The following FAN1 variants were observed in gnomAD, a reference collection of about 807,000 sequenced individuals.
FAN1 encodes the protein FANCD2 and FANCI associated nuclease 1.
In FAN1, 91 loss-of-function variants were observed where a neutral mutation model predicts 104.9. The ratio of observed to expected loss-of-function variants is 0.87; its 90% confidence interval spans 0.73 to 1.03. The LOEUF (loss-of-function observed/expected upper bound fraction) is 1.03, where lower values mean the gene tolerates loss of function less well. FAN1 is among the 50% of genes least tolerant of loss of function. The probability of loss-of-function intolerance (pLI) is 0.00; values close to 1 mark genes in which losing one functional copy is unlikely to be tolerated. For missense variants in FAN1, 1,263 were observed against 1,239.9 expected, an observed-to-expected ratio of 1.02 and a Z score of -0.28; for synonymous variants, 478 against 457.6, an observed-to-expected ratio of 1.04 and a Z score of -0.57.
intron 7 of FAN1, 116 bp downstream of exon 7, chr15:30,920,769 T>C: frequency 6.5e-6 from 4 of 611,612 alleles, no homozygotes; most frequent in Non-Finnish European, 8.5e-6. Flanking sequence ...CACAGTAATA[T>C]AATGGAGGCA....
intron 14 of FAN1, chr15:30,941,020 CAG>C: frequency 1.7e-6 from 2 of 1,165,796 alleles, no homozygotes; most frequent in Non-Finnish European, 1.1e-6. Context: ...TTAGAGACGA[CAG>C]AAAGTAACCA....
rs375339800 is a variant in FAN1 at position 30,941,617 on chromosome 15, C to T, written c.*55C>T. The T allele has an allele frequency of 1.4e-5, 22 of 1,602,502 alleles. No homozygotes were observed. Among genetic ancestry groups the T allele is most frequent in the African/African-American group, 6.7e-5 (5 of 74,710 alleles). On this transcript the variant is annotated 3_prime_UTR_variant, in exon 15 of 15. Transcript: ENST00000362065. ...AGGAGGAGAGAAACTCCGGTGTCCC[C>T]GAGGTGTCGGTGTGGTGAGGGCCGC...
intron 14 of FAN1, chr15:30,939,036 T>G: frequency 1.0e-6 from 1 of 985,444 alleles, no homozygotes. Context: ...TCATCCCACT[T>G]GAACTCAAGT....
intron 12 of FAN1, among the ~76,000 whole-genome samples, chr15:30,929,655 AAT>A (rs1165427652): frequency 1.6e-5 from 1 of 62,564 alleles, no homozygotes; most frequent in Admixed American, 1.9e-4. Context: ...TATATAATAT[AAT>A]ATATGAAATA....
At chr15:30,934,629 C>G (rs1277876771) in intron 13 of FAN1, among the ~76,000 whole-genome samples, 1 of 152,180 alleles carries the variant, frequency 6.6e-6, no homozygotes, top group Admixed American at 6.5e-5. Context: ...AGTTCACCTG[C>G]CGTGGTCTCT....
chr15:30,939,381 G>T, intron 14 of FAN1: 4 of 985,466 alleles, frequency 4.1e-6, no homozygotes, highest in Non-Finnish European at 4.8e-6. Context: ...GCCCTGTGCA[G>T]CCACACCACT....
chr15:30,929,722 AT>A (rs2062592812), intron 12 of FAN1, among the ~76,000 whole-genome samples: 1 of 44,810 alleles, frequency 2.2e-5, no homozygotes, highest in African/African-American at 9.4e-5. Flanking sequence ...TATAATATAT[AT>A]AAAATATATA....
rs2062740689 is a variant in FAN1, at chr15:30,932,562, A to G, written c.2916+1891A>G. ...GCCTGGAGATTTTGGGGGGAGGAAA[A>G]TTTAAAGCTATAAATTAAATTTATT... On this transcript the variant is annotated intron_variant, in intron 13 of 14. Coordinates refer to ENST00000362065, the MANE Select transcript of FAN1 (RefSeq NM_014967.5). Among the ~76,000 whole-genome samples, 3 of 152,100 alleles carry G rather than the reference A, an allele frequency of 2.0e-5. No homozygotes were observed. In the South Asian group the frequency reaches 6.2e-4, roughly 31 times the overall value.
intron 2 of FAN1, chr15:30,906,653 TAA>T (rs2061986251): frequency 1.0e-5 from 4 of 382,294 alleles, no homozygotes; most frequent in Non-Finnish European, 2.1e-5. Context: ...CCTCAGTAGA[TAA>T]AAAAGAGAAA....
Position 30,934,171 on chromosome 15 carries a change from C to T in FAN1, c.2917-2948C>T, listed in dbSNP as rs140792189. Among the ~76,000 whole-genome samples, 705 of 152,164 alleles carry T rather than the reference C, an allele frequency of 4.6e-3. 6 individuals carry two copies. Among genetic ancestry groups the T allele is most frequent in the African/African-American group, 0.016 (676 of 41,502 alleles). ...CTACCCTTTTATCATTATGCAGTGA[C>T]CCCCCCTTTACACCTGGTAATCTTT... On this transcript the variant is annotated intron_variant, in intron 13 of 14. Transcript: ENST00000362065.
At position 30,928,539 on chromosome 15, in the gene FAN1, T is replaced by TGTGTGTGTGTGA; in HGVS notation, c.2489-13_2489-12insTGTGTGTGTGAG. 1.2e-6 allele frequency: 2 copies of TGTGTGTGTGTGA among 1,611,326 alleles called. No individual in the cohort carries two copies. The highest frequency in any genetic ancestry group is 1.7e-6 in the Non-Finnish European group (2 of 1,178,148). The stretch of plus-strand genomic sequence containing the variant: ...GTGTGTGTGTGTGTGTGTGTGTGTG[T>TGTGTGTGTGTGA]GACCTTGTCTTAGGGATTCATGGCG... On this transcript the variant is annotated splice_polypyrimidine_tract_variant and intron_variant, in intron 10 of 14. Coordinates refer to ENST00000362065, the MANE Select transcript of FAN1 (RefSeq NM_014967.5).
At chr15:30,940,111 A>T (rs922910894) in intron 14 of FAN1, 8 of 985,218 alleles carry the variant, frequency 8.1e-6, no homozygotes, top group South Asian at 4.7e-5. Flanking sequence ...AAAATTTTCC[A>T]TATCTTAGGA....
At chr15:30,924,150 T>A (rs983844973) in intron 8 of FAN1, among the ~76,000 whole-genome samples, 21 of 152,374 alleles carry the variant, frequency 1.4e-4, no homozygotes, top group Admixed American at 1.2e-3. Flanking sequence ...TTTCTGAGCT[T>A]CACCCGCATC....
chr15:30,937,887 A>G lies in FAN1; in HGVS notation c.*3+628A>G, dbSNP rs369078864. On this transcript the variant is annotated intron_variant, in intron 14 of 14. Transcript: ENST00000362065. Reference sequence around the variant, plus strand: ...GATGATTCATCTTTAGGTTTTTTTTATAAAAAAGTAGTGGCTGGGCACAGT... The same window carrying G: ...GATGATTCATCTTTAGGTTTTTTTTGTAAAAAAGTAGTGGCTGGGCACAGT... Among the ~76,000 whole-genome samples the G allele has an allele frequency of 2.6e-4, 40 of 151,120 alleles. 1 individual carries two copies. In the East Asian group the frequency reaches 7.4e-3, roughly 28 times the overall value.
Position 30,929,824 on chromosome 15 carries a change from T to TAATATAATATATAA in FAN1, c.2787+427_2787+428insAATATAATATATAA, listed in dbSNP as rs2062625204. Among the ~76,000 whole-genome samples the TAATATAATATATAA allele has an allele frequency of 2.5e-5, 2 of 81,234 alleles. 1 individual carries two copies. The highest frequency in any genetic ancestry group is 1.3e-4 in the African/African-American group (2 of 15,442). The allele number at this position is 81,234 out of a possible 152,430, so 53.3% of individuals were successfully genotyped here. ...TATATAAAATATATAATATATTATA[T>TAATATAATATATAA]CATATATAATATAATATATAAAATA... On this transcript the variant is annotated intron_variant, in intron 12 of 14. Coordinates refer to ENST00000362065, the MANE Select transcript of FAN1 (RefSeq NM_014967.5).
intron 2 of FAN1, 62 bp downstream of exon 2, chr15:30,905,959 A>C: frequency 6.8e-7 from 1 of 1,461,522 alleles, no homozygotes; most frequent in Non-Finnish European, 9.3e-7. Flanking sequence ...TGATTGGGGC[A>C]TGATGTGATG....
Position 30,943,019 on chromosome 15 carries a change from G to A in FAN1, c.*1457G>A. 3 of 1,551,382 alleles carry A rather than the reference G, an allele frequency of 1.9e-6. No individual in the cohort carries two copies. The highest frequency in any genetic ancestry group is 1.7e-6 in the Non-Finnish European group (2 of 1,146,896). The stretch of plus-strand genomic sequence containing the variant: ...GGAGAGACCAGTCCCAAACAGAGGG[G>A]AATTTTAAGCCCTTCTCATCACCCA... On this transcript the variant is annotated 3_prime_UTR_variant, in exon 15 of 15. Transcript: ENST00000362065.
At chr15:30,934,107 C>T (rs547721758) in intron 13 of FAN1, among the ~76,000 whole-genome samples, 8 of 152,218 alleles carry the variant, frequency 5.3e-5, no homozygotes, top group East Asian at 1.9e-4. Context: ...TGTTATAAGA[C>T]GCATAGACTT....
intron 13 of FAN1, among the ~76,000 whole-genome samples, chr15:30,933,749 TTTTC>T (rs1403888032): frequency 7.0e-6 from 1 of 143,192 alleles, no homozygotes; most frequent in African/African-American, 2.9e-5. Flanking sequence ...GTGGTATTTC[TTTTC>T]TTTTTTTTTT....
Sources: allele counts gnomAD v4.1 joint callset (sites outside exome capture counted in the v4.1 genomes callset), GRCh38; gene constraint gnomAD v4.1.1; transcripts MANE v1.5; gene names NCBI Gene and HGNC (gene_info 2026-07-23, HGNC 2026-07-21).